The following ABCA7 variants were observed in gnomAD, a reference collection of about 807,000 sequenced individuals.
ABCA7 encodes the protein ATP binding cassette subfamily A member 7.
In ABCA7, 261 loss-of-function variants were observed where a neutral mutation model predicts 227.6. The ratio of observed to expected loss-of-function variants is 1.15; its 90% confidence interval spans 1.04 to 1.27. The LOEUF (loss-of-function observed/expected upper bound fraction) is 1.27, where lower values mean the gene tolerates loss of function less well. ABCA7 is among the 50% of genes most tolerant of loss of function. The pLI is 0.00. For synonymous variants in ABCA7, 1,488 were observed against 1,279.7 expected, an observed-to-expected ratio of 1.16 and a Z score of -3.47; for missense variants, 3,331 against 2,924.5, an observed-to-expected ratio of 1.14 and a Z score of -3.21.
rs1362977250 is a variant in ABCA7, at chr19:1,040,201, G to A, written c.-138+5G>A. ...GAGCTGCGGAGCCCCTGGAAGGTGAGAAGGACTCGGAGAGGGAAGAAGGCC... is the reference window on the plus strand; with the variant it reads ...GAGCTGCGGAGCCCCTGGAAGGTGAAAAGGACTCGGAGAGGGAAGAAGGCC... On this transcript the variant is annotated splice_donor_5th_base_variant and intron_variant, in intron 1 of 46. Transcript: ENST00000263094. 1 of 152,310 alleles carries A rather than the reference G, an allele frequency of 6.6e-6. No homozygotes were observed. The highest frequency in any genetic ancestry group is 1.5e-5 in the Non-Finnish European group (1 of 68,068). The allele number at this position is 152,310 out of a possible 1,614,324, so 9.4% of individuals were successfully genotyped here.
rs546021572 is a variant in ABCA7, at chr19:1,056,252, TG to T, written c.4416+16del. The T allele has an allele frequency of 7.6e-5, 121 of 1,590,234 alleles. No homozygotes were observed. The African/African-American group carries it at 1.1e-3, about 15-fold the overall frequency. Reference sequence around the variant, plus strand: ...CTCAGGACAGTCTCAAGGTGGGAACTGGGGGGGCAGGTGGGCGTCCTGTCAC... The same window carrying T: ...CTCAGGACAGTCTCAAGGTGGGAACTGGGGGGCAGGTGGGCGTCCTGTCAC... On this transcript the variant is annotated intron_variant, in intron 32 of 46. Transcript: ENST00000263094. The surrounding 1 kb of genome is among the most constrained non-coding windows in gnomAD (Gnocchi z 4.3).
In ABCA7 at chr19:1,044,607, A is replaced by C; in HGVS notation, c.1078A>C (p.Arg360=). The C allele has an allele frequency of 6.2e-7, 1 of 1,613,092 alleles. No individual in the cohort carries two copies. The highest frequency in any genetic ancestry group is 8.5e-7 in the Non-Finnish European group (1 of 1,179,874). ...RLLQMQDEGR[R]QPRPGGRDHM... is the part of the protein sequence containing the mutation. ...CCTGCAGATGCAGGATGAAGGAAGA[A>C]GGCAGCCCAGACCTGGAGGCCGGGA... The change falls in exon 11 of 47, where the codon AGG becomes CGG. Residue 360 remains arginine (R), a synonymous_variant. Coordinates refer to ENST00000263094, the MANE Select transcript of ABCA7 (RefSeq NM_019112.4).
Position 1,058,249 on chromosome 19 carries a change from C to G in ABCA7, c.5129C>G (p.Ala1710Gly), listed in dbSNP as rs2042421649. 6.2e-7 allele frequency: 1 copy of G among 1,613,444 alleles called. No individual in the cohort carries two copies. The highest frequency in any genetic ancestry group is 1.3e-5 in the African/African-American group (1 of 74,780). ...LIDMVRNQAM[A>G]DAFERLGDRQ... Reference sequence around the variant, plus strand: ...GACATGGTGCGGAACCAGGCCATGGCTGATGCCTTTGAGCGCTTGGGTGAG... The same window carrying G: ...GACATGGTGCGGAACCAGGCCATGGGTGATGCCTTTGAGCGCTTGGGTGAG... Residue 1710 changes from alanine to glycine, a missense_variant, in exon 37 of 47, where the codon GCT (alanine) becomes GGT (glycine). Ala to Gly is a moderately conservative substitution (Grantham distance 60). Coordinates refer to ENST00000263094, the MANE Select transcript of ABCA7 (RefSeq NM_019112.4).
intron 12 of ABCA7, 63 bp downstream of exon 12, chr19:1,045,294 G>A (rs1191283120): frequency 7.0e-6 from 10 of 1,438,504 alleles, no homozygotes; most frequent in Non-Finnish European, 9.4e-6. Flanking sequence ...TGGTGGGTGG[G>A]GCCAGGCAGC....
chr19:1,054,871 TC>T lies in ABCA7; in HGVS notation c.3946del (p.His1316ThrfsTer57). ...GLEEPPVQHSSHRFSAPEVPA... is the reference protein window; with the variant it reads ...GLEEPPVQHSXHRFSAPEVPA... ...GGAGGAGCCCCCAGTGCAGCATAGC[TC>T]CCACAGGTGAGGCGTCTTGTTGGCC... On this transcript the variant is annotated frameshift_variant, in exon 29 of 47. Transcript: ENST00000263094. LOFTEE classifies it high-confidence loss of function. This position sits in a 1 kb window ranked among gnomAD's most constrained non-coding sequence, Gnocchi z 4.8. 6.4e-7 allele frequency: 1 copy of T among 1,558,616 alleles called. No individual in the cohort carries two copies. The highest frequency in any genetic ancestry group is 8.7e-7 in the Non-Finnish European group (1 of 1,151,626).
Position 1,054,762 on chromosome 19 carries a change from A to C in ABCA7, c.3852-18A>C, listed in dbSNP as rs773893107. Reference sequence around the variant, plus strand: ...CCTGGGGGTACAGCCCTGACCCTACATCTCCCCTCACACACAGTGAGGACG... The same window carrying C: ...CCTGGGGGTACAGCCCTGACCCTACCTCTCCCCTCACACACAGTGAGGACG... On this transcript the variant is annotated intron_variant, in intron 28 of 46. Coordinates refer to ENST00000263094, the MANE Select transcript of ABCA7 (RefSeq NM_019112.4). This position sits in a 1 kb window ranked among gnomAD's most constrained non-coding sequence, Gnocchi z 4.8. The C allele has an allele frequency of 2.1e-5, 33 of 1,607,478 alleles. No homozygotes were observed. Among genetic ancestry groups the C allele is most frequent in the Admixed American group, 5.0e-5 (3 of 59,458 alleles).
chr19:1,046,742 T>C (rs1568269253), intron 13 of ABCA7, 60 bp from the exon 14 acceptor site: 1 of 1,468,584 alleles, frequency 6.8e-7, no homozygotes. Flanking sequence ...TGCCAGATGG[T>C]GGGCGGAGGG....
rs188971580 is a variant in ABCA7 at position 1,058,659 on chromosome 19, G to A, written c.5191G>A (p.Gly1731Ser). Residue 1731 changes from glycine to serine, a missense_variant, in exon 38 of 47, where the codon GGC becomes AGC. By Grantham distance (56) the Gly-to-Ser change is moderately conservative. Transcript: ENST00000263094. Reference protein sequence around the residue: ...FQSPLRWEVVGKNLLAMVIQG... With the variant: ...FQSPLRWEVVSKNLLAMVIQG... ...GTCACCCCTGCGCTGGGAGGTGGTC[G>A]GCAAGAACCTCTTGGCCATGGTGAT... 171 of 1,613,890 alleles carry A rather than the reference G, an allele frequency of 1.1e-4. No homozygotes were observed. The South Asian group carries it at 1.5e-3, about 14-fold the overall frequency.
chr19:1,048,938 G>A lies in ABCA7; in HGVS notation c.2313G>A (p.Arg771=). ...AACCATGGAATTTTCCTTTTCGGAGGAGCTACTGGTGCGGACCTCGGCCCC... is the reference window on the plus strand; with the variant it reads ...AACCATGGAATTTTCCTTTTCGGAGAAGCTACTGGTGCGGACCTCGGCCCC... ...IPEPWNFPFR[R]SYWCGPRPPK... The change falls in exon 17 of 47, where the codon AGG becomes AGA. Residue 771 remains arginine (R), a synonymous_variant. Transcript: ENST00000263094. The A allele has an allele frequency of 1.2e-6, 2 of 1,609,676 alleles. No homozygotes were observed. The highest frequency in any genetic ancestry group is 1.1e-5 in the South Asian group (1 of 90,230).
At position 1,047,650 on chromosome 19, in the gene ABCA7, C is replaced by T; in HGVS notation, c.2265C>T (p.Cys755=). Residue 755 remains cysteine (C), a synonymous_variant, in exon 16 of 47, where the codon TGC becomes TGT. Transcript: ENST00000263094. ...GLATWYLEAV[C]PGQYGIPEPW... Reference sequence around the variant, plus strand: ...CCACCTGGTACCTGGAAGCTGTGTGCCCAGGTGGGCCGTAGGGGGCGGGGC... The same window carrying T: ...CCACCTGGTACCTGGAAGCTGTGTGTCCAGGTGGGCCGTAGGGGGCGGGGC... 6.3e-7 allele frequency: 1 copy of T among 1,593,040 alleles called. No individual in the cohort carries two copies. Among genetic ancestry groups the T allele is most frequent in the Non-Finnish European group, 8.5e-7 (1 of 1,174,750 alleles).
chr19:1,059,111 G>T (rs752774337), intron 40 of ABCA7, 26 bp downstream of exon 40: 1 of 1,606,956 alleles, frequency 6.2e-7, no homozygotes, highest in Non-Finnish European at 8.5e-7. Flanking sequence ...GAGGCCAGGT[G>T]CAGGGACAGT....
chr19:1,041,124 ATGCGAGGAC>A, intron 1 of ABCA7, 92 bp from the exon 2 acceptor site: 1 of 592,240 alleles, frequency 1.7e-6, no homozygotes, highest in South Asian at 2.0e-5. Flanking sequence ...AGCCAATCAG[ATGCGAGGAC>A]GGCTGCGGGT....
chr19:1,041,689 A>T, intron 3 of ABCA7, 86 bp downstream of exon 3: 1 of 1,575,170 alleles, frequency 6.3e-7, no homozygotes. Context: ...CGTGCATGTC[A>T]GGGAGCCTTC....
rs2040728057 is a variant in ABCA7, at chr19:1,046,806, C to T, written c.1627C>T (p.Leu543=). The part of the protein sequence containing the change: ...PYPCYVDDVF[L]RVLSRSLPLF... ...CCCCAGCCGTCCCCACCCCAGGTTC[C>T]TGCGTGTGCTGAGCCGGTCGCTGCC... Residue 543 remains leucine, a synonymous_variant, in exon 14 of 47, where the codon CTG becomes TTG. Coordinates refer to ENST00000263094, the MANE Select transcript of ABCA7 (RefSeq NM_019112.4). The T allele has an allele frequency of 4.6e-6, 7 of 1,537,444 alleles. No individual in the cohort carries two copies. The highest frequency in any genetic ancestry group is 6.1e-6 in the Non-Finnish European group (7 of 1,146,832).
In ABCA7 at chr19:1,041,384, T is replaced by G; in HGVS notation, c.23T>G (p.Met8Arg). ...ACCATGGCCTTCTGGACACAGCTGATGCTGCTGCTCTGGAAGAATTTCATG... is the reference window on the plus strand; with the variant it reads ...ACCATGGCCTTCTGGACACAGCTGAGGCTGCTGCTCTGGAAGAATTTCATG... MAFWTQL[M>R]LLLWKNFMYR... Residue 8 changes from methionine to arginine, a missense_variant, in exon 2 of 47, where the codon ATG becomes AGG. By Grantham distance (91) the Met-to-Arg change is moderately conservative (BLOSUM62 -1). Coordinates refer to ENST00000263094, the MANE Select transcript of ABCA7 (RefSeq NM_019112.4). The G allele has an allele frequency of 6.2e-7, 1 of 1,614,038 alleles. No homozygotes were observed.
rs768050490 is a variant in ABCA7, at chr19:1,048,934, G to A, written c.2309G>A (p.Arg770Gln). The A allele has an allele frequency of 4.3e-5, 69 of 1,608,856 alleles. No homozygotes were observed. The highest frequency in any genetic ancestry group is 6.7e-5 in the East Asian group (3 of 44,790). ...CCTGAACCATGGAATTTTCCTTTTC[G>A]GAGGAGCTACTGGTGCGGACCTCGG... ...GIPEPWNFPF[R>Q]RSYWCGPRPP... is the part of the protein sequence containing the mutation. Residue 770 changes from arginine (R) to glutamine (Q), a missense_variant, in exon 17 of 47, where the codon CGG becomes CAG. Coordinates refer to ENST00000263094, the MANE Select transcript of ABCA7 (RefSeq NM_019112.4).
rs1457443089 is a variant in ABCA7, at chr19:1,055,088, T to G, written c.3951-9T>G. On this transcript the variant is annotated splice_polypyrimidine_tract_variant and intron_variant, in intron 29 of 46. Coordinates refer to ENST00000263094, the MANE Select transcript of ABCA7 (RefSeq NM_019112.4). ...GCGCCCTTGAGTGTGCACAGCCCAT[T>G]GTCTGCAGGTTCTCGGCACCAGAAG... The G allele has an allele frequency of 6.2e-7, 1 of 1,608,954 alleles. No individual in the cohort carries two copies.
intron 17 of ABCA7, 41 bp from the exon 18 acceptor site, chr19:1,049,225 C>A (rs749598384): frequency 1.3e-6 from 2 of 1,552,736 alleles, no homozygotes; most frequent in South Asian, 1.2e-5. Context: ...GGCCCCAGGA[C>A]CCCCATGACC....
Position 1,045,224 on chromosome 19 carries a change from A to T in ABCA7, c.1438A>T (p.Arg480Trp), listed in dbSNP as rs770331491. The change falls in exon 12 of 47, where the codon AGG (arginine) becomes TGG (tryptophan). Residue 480 changes from arginine (R) to tryptophan (W), a missense_variant. Arg to Trp is a moderately radical substitution (Grantham distance 101). Coordinates refer to ENST00000263094, the MANE Select transcript of ABCA7 (RefSeq NM_019112.4). ...IDVVTRTNKI[R>W]DRFWDPGPAA... ...CGTGGTCACGAGGACCAATAAGATC[A>T]GGGACAGGTCAGGCGAGGGAGGGGG... 1.2e-5 allele frequency: 17 copies of T among 1,369,616 alleles called. No individual in the cohort carries two copies. The Admixed American group carries it at 2.9e-4, about 23-fold the overall frequency. 84.8% of individuals were successfully genotyped at this position (1,369,616 alleles called of 1,614,324 possible). A position where few individuals can be genotyped will look rare whatever the true frequency, so the allele number is the denominator to read the frequency against.
Sources: gnomAD v4.1 joint callset for allele counts on GRCh38, gnomAD v4.1.1 for gene constraint, Gnocchi (gnomAD v3.1) non-coding constraint, MANE v1.5 for transcripts, NCBI Gene and HGNC (gene_info 2026-07-23, HGNC 2026-07-21) for gene names.